Variants in WIF1 observed in about 807,000 individuals in gnomAD.
WIF1 encodes Wnt inhibitory factor 1.
Under a neutral mutation model 53.5 loss-of-function variants are expected in WIF1, and 35 were observed. The observed-to-expected ratio is 0.65, with a 90% CI of 0.50 to 0.87. WIF1 has a LOEUF of 0.87. WIF1 is among the 40% of genes least tolerant of loss of function. The pLI is 0.00. For synonymous variants in WIF1, 171 were observed against 170.4 expected (o/e 1.00, Z -0.03); for missense variants, 467 against 476.8 (o/e 0.98, Z 0.19).
intron 2 of WIF1, among the ~76,000 whole-genome samples, chr12:65,099,787 A>AT (rs1297233727): frequency 6.6e-6 from 1 of 152,038 alleles, no homozygotes; most frequent in Non-Finnish European, 1.5e-5. Flanking sequence ...CAGTTTCCTC[A>AT]TTTTTATACA....
chr12:65,118,813 C>T (rs1314757267), intron 2 of WIF1, among the ~76,000 whole-genome samples: 1 of 151,978 alleles, frequency 6.6e-6, no homozygotes, highest in East Asian at 1.9e-4. Flanking sequence ...GCTTCAAATT[C>T]TATTCTTCAA....
intron 2 of WIF1, among the ~76,000 whole-genome samples, chr12:65,101,801 C>G (rs139153709): frequency 5.9e-5 from 9 of 152,288 alleles, no homozygotes; most frequent in African/African-American, 2.2e-4. Context: ...GGCTGGGAGA[C>G]AGGTCTCCTG....
intron 2 of WIF1, among the ~76,000 whole-genome samples, chr12:65,103,497 G>A (rs1193380896): frequency 1.3e-5 from 2 of 152,116 alleles, no homozygotes; most frequent in South Asian, 4.1e-4. Context: ...CTAAACTCAA[G>A]CCTGCAGATA....
At position 65,077,806 on chromosome 12, in the gene WIF1, T is replaced by C; in HGVS notation, c.337A>G (p.Ile113Val). The C allele has an allele frequency of 6.2e-7, 1 of 1,613,962 alleles. No homozygotes were observed. The highest frequency in any genetic ancestry group is 8.5e-7 in the Non-Finnish European group (1 of 1,179,874). The change falls in exon 3 of 10, where the codon ATC becomes GTC. Residue 113 changes from isoleucine (I) to valine (V), a missense_variant. Coordinates refer to ENST00000286574, the MANE Select transcript of WIF1 (RefSeq NM_007191.5). ...ACATTGACGGTTGGATCTGCCATGATGCCTTTATCCAGGGAGCGCAAGGAC... is the reference window on the plus strand; with the variant it reads ...ACATTGACGGTTGGATCTGCCATGACGCCTTTATCCAGGGAGCGCAAGGAC... ...FLSLRSLDKG[I>V]MADPTVNVPL...
chr12:65,053,610 G>A lies in WIF1; in HGVS notation c.1018+1508C>T, dbSNP rs117765622. ...TGAGGCCTCCCTAGCCATATGGAAG[G>A]GTGAGTCAAACCTCTTTCCTTTATA... On this transcript the variant is annotated intron_variant, in intron 9 of 9. Coordinates refer to ENST00000286574, the MANE Select transcript of WIF1 (RefSeq NM_007191.5). Among the ~76,000 whole-genome samples, 775 of 152,184 alleles carry A rather than the reference G, an allele frequency of 5.1e-3. 5 individuals carry two copies. Among genetic ancestry groups the A allele is most frequent in the Non-Finnish European group, 8.6e-3 (587 of 68,000 alleles).
rs761669239 is a variant in WIF1, at chr12:65,066,747, G to A, written c.635-11C>T. The A allele has an allele frequency of 6.3e-7, 1 of 1,578,930 alleles. No individual in the cohort carries two copies. Among genetic ancestry groups the A allele is most frequent in the Non-Finnish European group, 8.6e-7 (1 of 1,163,494 alleles). ...GTGGGGTACAAAGGGCTTATAGGGA[G>A]AGAGAACCCTGATTAAGGCCAAATG... is the stretch of plus-strand genomic sequence containing the variant. On this transcript the variant is annotated splice_polypyrimidine_tract_variant and intron_variant, in intron 5 of 9. Coordinates refer to ENST00000286574, the MANE Select transcript of WIF1 (RefSeq NM_007191.5).
chr12:65,104,864 A>C (rs1203097884), intron 2 of WIF1, among the ~76,000 whole-genome samples: 3 of 152,200 alleles, frequency 2.0e-5, no homozygotes, highest in Admixed American at 1.3e-4. Flanking sequence ...AAGACCAGTA[A>C]AGTCTATCTG....
chr12:65,110,352 C>A (rs1277718894), intron 2 of WIF1, among the ~76,000 whole-genome samples: 1 of 151,902 alleles, frequency 6.6e-6, no homozygotes, highest in Non-Finnish European at 1.5e-5. Context: ...GTTGACCCTG[C>A]CTGTGGTAGC....
chr12:65,084,993 T>C (rs1883013615), intron 2 of WIF1, among the ~76,000 whole-genome samples: 1 of 152,222 alleles, frequency 6.6e-6, no homozygotes, highest in East Asian at 1.9e-4. Flanking sequence ...TGTTTTATGC[T>C]TGTTCTGGCA....
intron 7 of WIF1, among the ~76,000 whole-genome samples, chr12:65,059,789 C>A (rs541362026): frequency 3.3e-5 from 5 of 152,004 alleles, no homozygotes; most frequent in Admixed American, 1.3e-4. Flanking sequence ...ATAGCTAGGA[C>A]TACAGGTGTC....
intron 3 of WIF1, 40 bp downstream of exon 3, chr12:65,077,706 A>G (rs769434586): frequency 3.6e-6 from 5 of 1,391,792 alleles, no homozygotes; most frequent in Admixed American, 1.7e-5. Flanking sequence ...TCATCATTAC[A>G]TTTTAAGTGT....
At chr12:65,052,317 T>A (rs985533735) in intron 9 of WIF1, among the ~76,000 whole-genome samples, 2 of 152,232 alleles carry the variant, frequency 1.3e-5, no homozygotes, top group Admixed American at 1.3e-4. Flanking sequence ...CCTGAATGTG[T>A]TCCTTTGAAT....
At chr12:65,066,065 C>G (rs1315178153) in intron 6 of WIF1, among the ~76,000 whole-genome samples, 1 of 152,130 alleles carries the variant, frequency 6.6e-6, no homozygotes, top group Non-Finnish European at 1.5e-5. Flanking sequence ...TTAGGACATA[C>G]TAAAATTCCA....
Position 65,067,687 on chromosome 12 carries a change from T to C in WIF1, c.634+8A>G. The C allele has an allele frequency of 9.3e-6, 15 of 1,612,576 alleles. No individual in the cohort carries two copies. The highest frequency in any genetic ancestry group is 1.3e-5 in the Non-Finnish European group (15 of 1,178,902). ...AAGGGAGCAAGGGAAATCGGCTCCA[T>C]GTCTTACCTTTCTCACAGTGAGGTC... On this transcript the variant is annotated splice_region_variant and intron_variant, in intron 5 of 9. Transcript: ENST00000286574.
At chr12:65,075,391 A>G (rs1882846069) in intron 3 of WIF1, among the ~76,000 whole-genome samples, 1 of 152,166 alleles carries the variant, frequency 6.6e-6, no homozygotes, top group African/African-American at 2.4e-5. Flanking sequence ...GACAAAATTT[A>G]TTTTCACGTT....
chr12:65,108,828 C>T (rs1883387936), intron 2 of WIF1, among the ~76,000 whole-genome samples: 1 of 152,178 alleles, frequency 6.6e-6, no homozygotes, highest in African/African-American at 2.4e-5. Context: ...AGAGTCCTAC[C>T]TTACATTTAT....
chr12:65,092,971 G>A lies in WIF1; in HGVS notation c.289-15117C>T, dbSNP rs561898146. On this transcript the variant is annotated intron_variant, in intron 2 of 9. Transcript: ENST00000286574. ...TCTCCTGGAGGAGCTAGACCCTACT[G>A]AGAAGGGTCAACCATGTTGCAACCA... Among the ~76,000 whole-genome samples, 8 of 152,236 alleles carry A rather than the reference G, an allele frequency of 5.3e-5. No individual in the cohort carries two copies. In the South Asian group the frequency reaches 1.7e-3, roughly 32 times the overall value.
chr12:65,111,580 T>C (rs1592405104), intron 2 of WIF1, among the ~76,000 whole-genome samples: 1 of 152,190 alleles, frequency 6.6e-6, no homozygotes, highest in African/African-American at 2.4e-5. Flanking sequence ...AACTCAATAG[T>C]GAGACTCAGC....
intron 9 of WIF1, among the ~76,000 whole-genome samples, chr12:65,053,409 A>G (rs1882472355): frequency 6.6e-6 from 1 of 152,152 alleles, no homozygotes; most frequent in South Asian, 2.1e-4. Flanking sequence ...AGGTGGAGGT[A>G]ATTGAATCAT....
Sources: gnomAD v4.1 joint callset for allele counts (sites outside exome capture counted in the v4.1 genomes callset) on GRCh38, gnomAD v4.1.1 for gene constraint, MANE v1.5 for transcripts, NCBI Gene and HGNC (gene_info 2026-07-23, HGNC 2026-07-21) for gene names.